Variants in CTNNA3 observed in about 807,000 individuals in gnomAD.
CTNNA3 encodes the protein catenin alpha-3.
A neutral mutation model predicts 95.7 loss-of-function variants in CTNNA3; 76 were observed. The observed-to-expected ratio is 0.79, with a 90% CI of 0.66 to 0.96. CTNNA3 has a LOEUF of 0.96. Among genes scored for constraint, CTNNA3 ranks in the 40% least tolerant of loss-of-function variants. The pLI is 0.00. For synonymous variants in CTNNA3, 431 were observed against 374.4 expected, an observed-to-expected ratio of 1.15 and a Z score of -1.74; for missense variants, 1,191 against 1,089.8, an observed-to-expected ratio of 1.09 and a Z score of -1.31.
At chr10:67,584,424 T>C (rs769770604) in intron 3 of CTNNA3, among the ~76,000 whole-genome samples, 1 of 152,212 alleles carries the variant, frequency 6.6e-6, no homozygotes, top group African/African-American at 2.4e-5. Flanking sequence ...ATCCTTCTTC[T>C]GGAAGCTTCA....
intron 9 of CTNNA3, among the ~76,000 whole-genome samples, chr10:66,758,188 G>T (rs757543060): frequency 6.6e-6 from 1 of 152,112 alleles, no homozygotes; most frequent in Non-Finnish European, 1.5e-5. Context: ...TTGGTTTTTA[G>T]AACTTTCAAT....
At chr10:66,854,828 A>G (rs1843629875) in intron 7 of CTNNA3, among the ~76,000 whole-genome samples, 1 of 151,720 alleles carries the variant, frequency 6.6e-6, no homozygotes, top group African/African-American at 2.4e-5. Flanking sequence ...GAACACGAAG[A>G]TAGTGCGGTC....
chr10:67,092,563 A>G (rs1194828818), intron 7 of CTNNA3, among the ~76,000 whole-genome samples: 1 of 152,010 alleles, frequency 6.6e-6, no homozygotes, highest in Non-Finnish European at 1.5e-5. Flanking sequence ...TTGTACAAAT[A>G]TACCTAGATA....
intron 3 of CTNNA3, among the ~76,000 whole-genome samples, chr10:67,588,395 G>A (rs1451418726): frequency 6.6e-6 from 1 of 152,010 alleles, no homozygotes; most frequent in Admixed American, 6.6e-5. Context: ...GGTATTGCTT[G>A]GGTGGGGCCC....
Position 66,316,530 on chromosome 10 carries a change from C to A in CTNNA3, c.1733-35909G>T, listed in dbSNP as rs529426588. 6.5e-4 allele frequency among the ~76,000 whole-genome samples: 99 copies of A among 152,162 alleles called. 1 individual carries two copies. Among genetic ancestry groups the A allele is most frequent in the African/African-American group, 2.4e-3 (98 of 41,552 alleles). ...CTGAACAGGACACCATTCCATCACA[C>A]ACAGCAAGTACTAAACACACACCCA... On this transcript the variant is annotated intron_variant, in intron 12 of 17. Transcript: ENST00000433211.
chr10:67,439,108 C>T (rs1467592484), intron 5 of CTNNA3, among the ~76,000 whole-genome samples: 2 of 152,034 alleles, frequency 1.3e-5, no homozygotes, highest in African/African-American at 4.8e-5. Context: ...CCCAGGCAGC[C>T]CTGCTCGCAG....
At chr10:66,820,651 A>G (rs1842275634) in intron 7 of CTNNA3, among the ~76,000 whole-genome samples, 1 of 151,774 alleles carries the variant, frequency 6.6e-6, no homozygotes, top group Non-Finnish European at 1.5e-5. Flanking sequence ...GTAAAAAAAA[A>G]AAAAAAAAAT....
At chr10:67,691,606 C>A (rs1347068073) in intron 1 of CTNNA3, among the ~76,000 whole-genome samples, 3 of 151,556 alleles carry the variant, frequency 2.0e-5, no homozygotes, top group Non-Finnish European at 4.4e-5. Context: ...TGAGGAGACC[C>A]TCTGCCTGGC....
At chr10:67,398,280 T>C (rs1376932854) in intron 5 of CTNNA3, among the ~76,000 whole-genome samples, 1 of 152,238 alleles carries the variant, frequency 6.6e-6, no homozygotes, top group Non-Finnish European at 1.5e-5. Context: ...TGTGTCAGTG[T>C]ACCCTAGATG....
At chr10:66,479,706 G>C (rs554037184) in intron 11 of CTNNA3, among the ~76,000 whole-genome samples, 37 of 152,122 alleles carry the variant, frequency 2.4e-4, no homozygotes, top group African/African-American at 8.9e-4. Context: ...GTTGTGGTAA[G>C]ACAAGAGTAC....
intron 3 of CTNNA3, among the ~76,000 whole-genome samples, chr10:67,571,417 A>C (rs756832712): frequency 2.6e-5 from 4 of 152,162 alleles, no homozygotes; most frequent in Admixed American, 1.3e-4. Context: ...GTACAGCCTC[A>C]AACTGTGATC....
intron 5 of CTNNA3, among the ~76,000 whole-genome samples, chr10:67,251,599 C>T (rs908497149): frequency 9.2e-5 from 14 of 152,210 alleles, no homozygotes; most frequent in African/African-American, 3.4e-4. Flanking sequence ...TTGAAGGATG[C>T]TAATACTTTG....
intron 5 of CTNNA3, among the ~76,000 whole-genome samples, chr10:67,306,780 A>ATT (rs201064308): frequency 2.0e-5 from 3 of 151,718 alleles, no homozygotes; most frequent in African/African-American, 7.3e-5. Context: ...CTGCTGGTGG[A>ATT]TTTTTTTAAA....
rs115276158 is a variant in CTNNA3 at position 66,766,350 on chromosome 10, G to T, written c.1195C>A (p.Leu399Ile). ...CGGCCATTCTTAGCAGCTTCAATGAGAACCAAAAGAGGGACTGTCGTATCC... is the reference window on the plus strand; with the variant it reads ...CGGCCATTCTTAGCAGCTTCAATGATAACCAAAAGAGGGACTGTCGTATCC... ...FLDTTVPLLVLIEAAKNGREK... is the reference protein window; with the variant it reads ...FLDTTVPLLVIIEAAKNGREK... The change falls in exon 9 of 18, where the codon CTC becomes ATC. Residue 399 changes from leucine to isoleucine, a missense_variant. By Grantham distance (5) the Leu-to-Ile change is conservative. Coordinates refer to ENST00000433211, the MANE Select transcript of CTNNA3 (RefSeq NM_013266.4). 3.8e-4 allele frequency: 614 copies of T among 1,613,590 alleles called. 3 individuals are homozygous for T. The African/African-American group carries it at 5.7e-3, about 15-fold the overall frequency.
chr10:66,088,486 TG>T (rs1478283791), intron 14 of CTNNA3, among the ~76,000 whole-genome samples: 19 of 10,644 alleles, frequency 1.8e-3, no homozygotes, highest in East Asian at 7.9e-3. Context: ...GTAGGTGTTT[TG>T]TGTGTGTGTG....
chr10:66,974,192 T>C (rs187100182), intron 7 of CTNNA3, among the ~76,000 whole-genome samples: 4 of 152,230 alleles, frequency 2.6e-5, no homozygotes, highest in African/African-American at 7.2e-5. Context: ...TCATTCAATG[T>C]AGGTTTTTGT....
rs116447318 is a variant in CTNNA3 at position 66,249,356 on chromosome 10, T to G, written c.1884+31114A>C. 7.7e-3 allele frequency among the ~76,000 whole-genome samples: 1,166 copies of G among 152,090 alleles called. 16 individuals carry two copies. Among genetic ancestry groups the G allele is most frequent in the African/African-American group, 0.027 (1,108 of 41,496 alleles). ...GAGACAACCACAGAATGCGATAAAA[T>G]ATTTGCAAACTACCCCCCTGAGAAA... On this transcript the variant is annotated intron_variant, in intron 13 of 17. Transcript: ENST00000433211.
chr10:66,906,130 A>G (rs1845978434), intron 7 of CTNNA3, among the ~76,000 whole-genome samples: 1 of 152,220 alleles, frequency 6.6e-6, no homozygotes, highest in South Asian at 2.1e-4. Context: ...CTAAAGCATT[A>G]GATGAATAGT....
At chr10:67,494,390 A>C (rs1488644580) in intron 5 of CTNNA3, among the ~76,000 whole-genome samples, 2 of 152,218 alleles carry the variant, frequency 1.3e-5, no homozygotes, top group African/African-American at 2.4e-5. Context: ...TCTTTAAAAT[A>C]ATTCAATTAA....
Sources: allele counts gnomAD v4.1 joint callset (sites outside exome capture counted in the v4.1 genomes callset), GRCh38; gene constraint gnomAD v4.1.1; transcripts MANE v1.5; gene names NCBI Gene and HGNC (gene_info 2026-07-23, HGNC 2026-07-21).